The following MAK variants were observed in gnomAD, a reference collection of about 807,000 sequenced individuals.
The protein encoded by MAK is serine/threonine-protein kinase MAK.
In MAK, 65 loss-of-function variants were observed where a neutral mutation model predicts 82.6. The ratio of observed to expected loss-of-function variants is 0.79; its 90% CI spans 0.64 to 0.97. The LOEUF (loss-of-function observed/expected upper bound fraction) is 0.97, where lower values mean the gene tolerates loss of function less well. MAK is among the 50% of genes least tolerant of loss of function. The probability of loss-of-function intolerance (pLI) is 0.00; values close to 1 mark genes in which losing one functional copy is unlikely to be tolerated. For synonymous variants in MAK, 250 were observed against 274.2 expected (o/e 0.91, Z 0.87); for missense variants, 703 against 780.2 (o/e 0.90, Z 1.18).
intron 2 of MAK, among the ~76,000 whole-genome samples, chr6:10,823,795 G>A (rs1277408392): frequency 6.6e-6 from 1 of 152,138 alleles, no homozygotes; most frequent in East Asian, 1.9e-4. Context: ...CTCCCAAAGT[G>A]CTGGGATTAC....
intron 10 of MAK, among the ~76,000 whole-genome samples, chr6:10,789,619 CAA>C (rs1035423509): frequency 1.3e-5 from 2 of 150,962 alleles, no homozygotes; most frequent in Non-Finnish European, 2.9e-5. Context: ...ACAATTAAAA[CAA>C]TATATTGTAA....
At chr6:10,784,820 T>G in intron 10 of MAK, 1 of 636,436 alleles carries the variant, frequency 1.6e-6, no homozygotes, top group South Asian at 1.5e-5. Flanking sequence ...AGCAATTTAC[T>G]TGTGTGTAAC....
At chr6:10,832,794 C>T (rs1016561247) in intron 1 of MAK, among the ~76,000 whole-genome samples, 8 of 152,074 alleles carry the variant, frequency 5.3e-5, no homozygotes, top group African/African-American at 1.7e-4. Context: ...CTACTGCTCC[C>T]GGCCACAATA....
intron 12 of MAK, among the ~76,000 whole-genome samples, chr6:10,773,953 C>T (rs1773240788): frequency 6.6e-6 from 1 of 152,032 alleles, no homozygotes; most frequent in African/African-American, 2.4e-5. Context: ...CCCACCTCGG[C>T]CTCCCAAAGT....
intron 1 of MAK, among the ~76,000 whole-genome samples, chr6:10,834,669 T>C (rs113682793): frequency 1.2e-3 from 184 of 152,308 alleles, no homozygotes; most frequent in African/African-American, 4.0e-3. Context: ...ATGCTACATC[T>C]GGGTCATTCA....
At chr6:10,807,796 G>T (rs1254452510) in intron 6 of MAK, among the ~76,000 whole-genome samples, 2 of 151,524 alleles carry the variant, frequency 1.3e-5, no homozygotes, top group Non-Finnish European at 2.9e-5. Flanking sequence ...GGGCCCGGTG[G>T]CTCACGCCTG....
intron 2 of MAK, among the ~76,000 whole-genome samples, chr6:10,830,162 T>C (rs1420478611): frequency 6.9e-6 from 1 of 144,152 alleles, no homozygotes; most frequent in African/African-American, 2.6e-5. Context: ...TGTGTGCGTG[T>C]GCACGTATAT....
At chr6:10,823,521 T>C (rs1266039474) in intron 2 of MAK, among the ~76,000 whole-genome samples, 2 of 152,228 alleles carry the variant, frequency 1.3e-5, no homozygotes, top group Non-Finnish European at 2.9e-5. Flanking sequence ...ATGTATTCAA[T>C]GTAGAACGTA....
intron 11 of MAK, among the ~76,000 whole-genome samples, chr6:10,782,577 A>ATTTTT (rs70991043): frequency 8.6e-6 from 1 of 116,594 alleles, no homozygotes; most frequent in African/African-American, 3.3e-5. Flanking sequence ...TCCCAACTGG[A>ATTTTT]TTTTTTTTTT....
In MAK at chr6:10,767,814, AAAAC is replaced by A. The variant is rs1479834757; in HGVS notation, c.1792+2293_1792+2296del. ...TCAAAAAAAAAAAAAAAAAAAAACA[AAAAC>A]AAAAATCTTGAAGGGGAGAAAGAAG... On this transcript the variant is annotated intron_variant, in intron 14 of 14. Transcript: ENST00000354489. Among the ~76,000 whole-genome samples the A allele has an allele frequency of 2.6e-5, 4 of 151,986 alleles. No individual in the cohort carries two copies. The East Asian group carries it at 5.8e-4, about 22-fold the overall frequency.
intron 4 of MAK, 53 bp from the exon 5 acceptor site, chr6:10,813,776 C>G: frequency 2.0e-6 from 2 of 1,007,310 alleles, no homozygotes; most frequent in South Asian, 2.5e-5. Context: ...GCCAACCAAT[C>G]CAAAGAAGGT....
intron 6 of MAK, among the ~76,000 whole-genome samples, chr6:10,808,051 G>A (rs1436960307): frequency 6.6e-6 from 1 of 151,734 alleles, no homozygotes; most frequent in Non-Finnish European, 1.5e-5. Context: ...CTGGGCGAGA[G>A]AGCGAAACTC....
chr6:10,813,688 A>AT lies in MAK; in HGVS notation c.313dup (p.Ile105AsnfsTer14), dbSNP rs1390518337. The AT allele has an allele frequency of 6.2e-7, 1 of 1,606,376 alleles. No individual in the cohort carries two copies. Among genetic ancestry groups the AT allele is most frequent in the African/African-American group, 1.3e-5 (1 of 74,802 alleles). Reference sequence around the variant, plus strand: ...CAGCCCTTGCAATATTTGATACATAATATTTCTGATGACTGATTCAGGGAA... The same window carrying AT: ...CAGCCCTTGCAATATTTGATACATAATTATTTCTGATGACTGATTCAGGGAA... On this transcript the variant is annotated frameshift_variant, in exon 5 of 15. Transcript: ENST00000354489. LOFTEE classifies it high-confidence loss of function.
intron 11 of MAK, among the ~76,000 whole-genome samples, chr6:10,777,474 T>G (rs1352343696): frequency 6.6e-6 from 1 of 152,180 alleles, no homozygotes; most frequent in Non-Finnish European, 1.5e-5. Flanking sequence ...ATTAAAAATC[T>G]GTGTGAACAC....
chr6:10,767,601 C>G (rs1234852695), intron 14 of MAK, among the ~76,000 whole-genome samples: 1 of 151,966 alleles, frequency 6.6e-6, no homozygotes. Flanking sequence ...GTCAAGAGAT[C>G]GAGATCATCC....
intron 9 of MAK, 121 bp from the exon 10 acceptor site, chr6:10,791,968 A>C: frequency 2.0e-6 from 2 of 989,726 alleles, no homozygotes; most frequent in Non-Finnish European, 3.2e-6. Context: ...CATACATGTA[A>C]GGGCATAACA....
intron 2 of MAK, chr6:10,826,538 T>C (rs1226379963): frequency 6.6e-6 from 1 of 152,202 alleles, no homozygotes; most frequent in Non-Finnish European, 1.5e-5. Context: ...CTCTTCTCAT[T>C]CATTTTTGCT....
chr6:10,773,023 C>T lies in MAK; in HGVS notation c.1672+11G>A. 1 of 1,514,016 alleles carries T rather than the reference C, an allele frequency of 6.6e-7. No individual in the cohort carries two copies. Among genetic ancestry groups the T allele is most frequent in the Non-Finnish European group, 8.9e-7 (1 of 1,127,266 alleles). The allele number at this position is 1,514,016 out of a possible 1,614,324, so 93.8% of individuals were successfully genotyped here. A position where few individuals can be genotyped will look rare whatever the true frequency, so the allele number is the denominator to read the frequency against. On this transcript the variant is annotated intron_variant, in intron 13 of 14. Transcript: ENST00000354489. Reference sequence around the variant, plus strand: ...AGAACAAACTGCATTCATCTGACGCCCAGAAATTACCTTGTGGGTCCTCTA... The same window carrying T: ...AGAACAAACTGCATTCATCTGACGCTCAGAAATTACCTTGTGGGTCCTCTA...
chr6:10,804,845 T>C (rs551556099), intron 6 of MAK, among the ~76,000 whole-genome samples: 26 of 152,284 alleles, frequency 1.7e-4, no homozygotes, highest in African/African-American at 6.3e-4. Flanking sequence ...TAAACTAGTT[T>C]TGTTCACTGT....
Sources: gnomAD v4.1 joint callset for allele counts (sites outside exome capture counted in the v4.1 genomes callset) on GRCh38, gnomAD v4.1.1 for gene constraint, MANE v1.5 for transcripts, NCBI Gene and HGNC (gene_info 2026-07-23, HGNC 2026-07-21) for gene names.